PLCB1: variants seen among roughly 807,000 people sequenced by gnomAD.
PLCB1 encodes the protein 1-phosphatidylinositol 4,5-bisphosphate phosphodiesterase beta-1.
In PLCB1, 46 loss-of-function variants were observed where a neutral mutation model predicts 161.8. The observed-to-expected ratio is 0.28, with a 90% CI of 0.22 to 0.36. The LOEUF is 0.36. Ranked by LOEUF, PLCB1 falls within the 10% of genes least tolerant of loss-of-function variation. The pLI is 1.00. For missense variants in PLCB1, 1,016 were observed against 1,472.5 expected (o/e 0.69, Z 5.07); for synonymous variants, 517 against 503.7 (o/e 1.03, Z -0.35).
chr20:8,164,101 C>T (rs2051652857), intron 2 of PLCB1, among the ~76,000 whole-genome samples: 1 of 152,092 alleles, frequency 6.6e-6, no homozygotes, highest in Non-Finnish European at 1.5e-5. Flanking sequence ...CCCTGAGGTC[C>T]CTCTCTGACT....
At chr20:8,146,310 C>T (rs1053515315) in intron 1 of PLCB1, among the ~76,000 whole-genome samples, 5 of 152,190 alleles carry the variant, frequency 3.3e-5, no homozygotes, top group African/African-American at 1.2e-4. Context: ...GCTTCCCATA[C>T]CAGCTTAACT....
chr20:8,229,954 G>A lies in PLCB1; in HGVS notation c.177+79583G>A, dbSNP rs145078433. Among the ~76,000 whole-genome samples, 42 of 149,790 alleles carry A rather than the reference G, an allele frequency of 2.8e-4. No homozygotes were observed. The East Asian group carries it at 5.7e-3, about 20-fold the overall frequency. The stretch of plus-strand genomic sequence containing the variant: ...ACTTGTAGTCCCAGCTACCTGGGAG[G>A]CTGAGGTGGGAGTATCACTTGAGCC... On this transcript the variant is annotated intron_variant, in intron 2 of 31. Coordinates refer to ENST00000338037, the MANE Select transcript of PLCB1 (RefSeq NM_015192.4).
intron 3 of PLCB1, among the ~76,000 whole-genome samples, chr20:8,536,377 C>G (rs1210551586): frequency 6.6e-6 from 1 of 152,136 alleles, no homozygotes; most frequent in South Asian, 2.1e-4. Flanking sequence ...TTGTAGTTCT[C>G]TCTCCTCTCG....
intron 2 of PLCB1, among the ~76,000 whole-genome samples, chr20:8,358,708 A>C (rs1986444295): frequency 6.6e-6 from 1 of 152,196 alleles, no homozygotes; most frequent in African/African-American, 2.4e-5. Context: ...GCATTATCCC[A>C]ATAACCTGTT....
intron 3 of PLCB1, among the ~76,000 whole-genome samples, chr20:8,596,961 A>G (rs1201577664): frequency 6.6e-6 from 1 of 152,250 alleles, no homozygotes; most frequent in African/African-American, 2.4e-5. Context: ...TTGTATCCTG[A>G]GACTTTGCTG....
chr20:8,842,598 C>T (rs1210138835), intron 31 of PLCB1, among the ~76,000 whole-genome samples: 1 of 152,130 alleles, frequency 6.6e-6, no homozygotes, highest in Admixed American at 6.5e-5. Context: ...CTGGGAGCAT[C>T]GGCAGACTTA....
At chr20:8,530,431 A>G (rs902398808) in intron 3 of PLCB1, among the ~76,000 whole-genome samples, 13 of 152,042 alleles carry the variant, frequency 8.6e-5, no homozygotes, top group African/African-American at 2.9e-4. Context: ...TCTGATTTCC[A>G]TTATTTCTCC....
At position 8,218,030 on chromosome 20, in the gene PLCB1, T is replaced by C. The variant is rs1979222925; in HGVS notation, c.177+67659T>C. Among the ~76,000 whole-genome samples the C allele has an allele frequency of 2.0e-5, 3 of 152,292 alleles. No individual in the cohort carries two copies. The South Asian group carries it at 6.2e-4, about 32-fold the overall frequency. ...TTACCTAGTCTGTGGTATTTTATTA[T>C]AGCAACCACAACATGGACTAAGACA... On this transcript the variant is annotated intron_variant, in intron 2 of 31. Coordinates refer to ENST00000338037, the MANE Select transcript of PLCB1 (RefSeq NM_015192.4).
intron 31 of PLCB1, among the ~76,000 whole-genome samples, chr20:8,874,851 G>A (rs1249395850): frequency 6.6e-6 from 1 of 151,740 alleles, no homozygotes. Context: ...TTGTTTCTGT[G>A]GGCCAAATTC....
At chr20:8,336,444 A>C (rs1362649910) in intron 2 of PLCB1, among the ~76,000 whole-genome samples, 1 of 152,198 alleles carries the variant, frequency 6.6e-6, no homozygotes, top group African/African-American at 2.4e-5. Flanking sequence ...TAGTATTACC[A>C]GTGGAACAGA....
rs201149908 is a variant in PLCB1 at position 8,154,311 on chromosome 20, A to G, written c.177+3940A>G. On this transcript the variant is annotated intron_variant, in intron 2 of 31. Coordinates refer to ENST00000338037, the MANE Select transcript of PLCB1 (RefSeq NM_015192.4). ...ACATTCTTTCATATTGCTCTATCGT[A>G]TGTTAAACAATTGATTACCACATTT... is the stretch of plus-strand genomic sequence containing the variant. Among the ~76,000 whole-genome samples, 5 of 152,258 alleles carry G rather than the reference A, an allele frequency of 3.3e-5. No homozygotes were observed. The East Asian group carries it at 9.6e-4, about 29-fold the overall frequency.
At chr20:8,533,595 T>A (rs2122925930) in intron 3 of PLCB1, among the ~76,000 whole-genome samples, 2 of 151,864 alleles carry the variant, frequency 1.3e-5, no homozygotes, top group South Asian at 4.2e-4. Flanking sequence ...GGTTTTGATT[T>A]ACATTTCTCT....
At chr20:8,736,000 C>A (rs757265085) in intron 19 of PLCB1, among the ~76,000 whole-genome samples, 2 of 152,166 alleles carry the variant, frequency 1.3e-5, no homozygotes, top group African/African-American at 4.8e-5. Context: ...TCTGGCCCAG[C>A]CATAATTCTG....
chr20:8,541,568 G>A (rs1041126300), intron 3 of PLCB1, among the ~76,000 whole-genome samples: 1 of 128,670 alleles, frequency 7.8e-6, no homozygotes, highest in African/African-American at 2.7e-5. Flanking sequence ...GAAAGAGAAA[G>A]AAAGAAAGAA....
chr20:8,489,303 T>C (rs528805884), intron 3 of PLCB1, among the ~76,000 whole-genome samples: 23 of 152,226 alleles, frequency 1.5e-4, no homozygotes, highest in African/African-American at 5.5e-4. Flanking sequence ...GCTTTAGCAG[T>C]GAAAAGAGCA....
At chr20:8,384,647 G>A (rs575474313) in intron 3 of PLCB1, among the ~76,000 whole-genome samples, 11 of 152,106 alleles carry the variant, frequency 7.2e-5, no homozygotes, top group East Asian at 1.9e-4. Flanking sequence ...ATTCTTTCTC[G>A]TCTTTATGAG....
At chr20:8,695,791 G>T (rs1382653832) in intron 10 of PLCB1, among the ~76,000 whole-genome samples, 1 of 152,188 alleles carries the variant, frequency 6.6e-6, no homozygotes. Context: ...TTCAATTTGT[G>T]TGTTGCTAAT....
chr20:8,554,531 C>T (rs1985884770), intron 3 of PLCB1, among the ~76,000 whole-genome samples: 1 of 152,042 alleles, frequency 6.6e-6, no homozygotes, highest in South Asian at 2.1e-4. Context: ...TCTACACTTC[C>T]ATTTATATTA....
At chr20:8,152,421 G>C (rs1317459752) in intron 2 of PLCB1, among the ~76,000 whole-genome samples, 6 of 152,154 alleles carry the variant, frequency 3.9e-5, no homozygotes, top group Non-Finnish European at 5.9e-5. Flanking sequence ...TGATGAATTA[G>C]AGTAAATGTG....
Sources: gnomAD v4.1 joint callset for allele counts (sites outside exome capture counted in the v4.1 genomes callset) on GRCh38, gnomAD v4.1.1 for gene constraint, MANE v1.5 for transcripts, NCBI Gene and HGNC (gene_info 2026-07-23, HGNC 2026-07-21) for gene names.